PPP3CA: variants seen among roughly 807,000 people sequenced by gnomAD.
PPP3CA encodes the protein protein phosphatase 3 catalytic subunit alpha.
Under a neutral mutation model 66.5 loss-of-function variants are expected in PPP3CA, and 14 were observed. The observed-to-expected ratio is 0.21, with a 90% CI of 0.14 to 0.33. The LOEUF (loss-of-function observed/expected upper bound fraction) is 0.33, where lower values mean the gene tolerates loss of function less well. PPP3CA is among the 10% of genes least tolerant of loss of function. The pLI is 1.00. For synonymous variants in PPP3CA, 232 were observed against 226.2 expected, an observed-to-expected ratio of 1.03 and a Z score of -0.23; for missense variants, 317 against 639.5, an observed-to-expected ratio of 0.50 and a Z score of 5.44.
chr4:101,305,450 A>G (rs1268541344), intron 1 of PPP3CA, among the ~76,000 whole-genome samples: 2 of 152,184 alleles, frequency 1.3e-5, no homozygotes, highest in Non-Finnish European at 2.9e-5. Flanking sequence ...ACACCTTGGG[A>G]AAAATGTGAA....
chr4:101,176,060 C>T (rs1724049008), intron 2 of PPP3CA, among the ~76,000 whole-genome samples: 1 of 152,070 alleles, frequency 6.6e-6, no homozygotes, highest in South Asian at 2.1e-4. Flanking sequence ...ATGGAAGGCA[C>T]AAACATCACG....
chr4:101,145,255 G>A (rs1722933851), intron 2 of PPP3CA, among the ~76,000 whole-genome samples: 1 of 152,114 alleles, frequency 6.6e-6, no homozygotes, highest in Non-Finnish European at 1.5e-5. Flanking sequence ...TAAAAATAGA[G>A]TTACCATATG....
Position 101,196,131 on chromosome 4 carries a change from G to A in PPP3CA, c.59-15C>T, listed in dbSNP as rs769475672. On this transcript the variant is annotated splice_polypyrimidine_tract_variant and intron_variant, in intron 1 of 13. Coordinates refer to ENST00000394854, the MANE Select transcript of PPP3CA (RefSeq NM_000944.5). Reference sequence around the variant, plus strand: ...AAATGGAACAGCTGAAAGAAGAAAGGTCTAATTATTACATTAGCCAAAACT... The same window carrying A: ...AAATGGAACAGCTGAAAGAAGAAAGATCTAATTATTACATTAGCCAAAACT... 2.5e-6 allele frequency: 4 copies of A among 1,611,568 alleles called. No homozygotes were observed. In the South Asian group the frequency reaches 3.3e-5, roughly 13 times the overall value.
At chr4:101,028,325 C>CTT (rs1314661507) in intron 13 of PPP3CA, among the ~76,000 whole-genome samples, 1 of 152,108 alleles carries the variant, frequency 6.6e-6, no homozygotes, top group African/African-American at 2.4e-5. Flanking sequence ...ATGCAGTTCT[C>CTT]TTATAACTAT....
At chr4:101,345,341 G>C (rs1014998862) in intron 1 of PPP3CA, among the ~76,000 whole-genome samples, 1 of 152,192 alleles carries the variant, frequency 6.6e-6, no homozygotes, top group Non-Finnish European at 1.5e-5. Flanking sequence ...ACCCCAGAGG[G>C]ACTTGTGTAT....
intron 1 of PPP3CA, among the ~76,000 whole-genome samples, chr4:101,264,737 T>C (rs981613729): frequency 6.6e-6 from 1 of 152,132 alleles, no homozygotes; most frequent in Non-Finnish European, 1.5e-5. Flanking sequence ...AAATATCTCA[T>C]TTAATCATTC....
At chr4:101,046,397 T>C (rs1356943993) in intron 10 of PPP3CA, among the ~76,000 whole-genome samples, 3 of 152,146 alleles carry the variant, frequency 2.0e-5, no homozygotes, top group African/African-American at 7.2e-5. Context: ...CCTTTCCCAA[T>C]TGATCATTAT....
chr4:101,275,128 C>T (rs568459259), intron 1 of PPP3CA, among the ~76,000 whole-genome samples: 3 of 152,142 alleles, frequency 2.0e-5, no homozygotes, highest in African/African-American at 4.8e-5. Context: ...TCATACTTAA[C>T]GGTATATATT....
rs113223969 is a variant in PPP3CA, at chr4:101,048,037, A to T, written c.1157-7471T>A. Among the ~76,000 whole-genome samples, 987 of 152,202 alleles carry T rather than the reference A, an allele frequency of 6.5e-3. 7 individuals are homozygous for T. The highest frequency in any genetic ancestry group is 0.034 in the Middle Eastern group (10 of 294). On this transcript the variant is annotated intron_variant, in intron 10 of 13. Coordinates refer to ENST00000394854, the MANE Select transcript of PPP3CA (RefSeq NM_000944.5). Reference sequence around the variant, plus strand: ...TTACATTGCTCCCTTGATTAAGGAGACTTCCTAGACACTAAGTTTTCCAAT... The same window carrying T: ...TTACATTGCTCCCTTGATTAAGGAGTCTTCCTAGACACTAAGTTTTCCAAT...
chr4:101,302,097 A>G (rs1348246018), intron 1 of PPP3CA, among the ~76,000 whole-genome samples: 1 of 152,142 alleles, frequency 6.6e-6, no homozygotes, highest in East Asian at 1.9e-4. Context: ...TATTTATTCC[A>G]TTTGATAATA....
intron 1 of PPP3CA, among the ~76,000 whole-genome samples, chr4:101,266,445 G>A (rs1322545633): frequency 6.6e-6 from 1 of 152,096 alleles, no homozygotes; most frequent in Non-Finnish European, 1.5e-5. Flanking sequence ...TATAAGAATG[G>A]TTACTACTAC....
intron 1 of PPP3CA, among the ~76,000 whole-genome samples, chr4:101,324,142 A>AAGGAAGGGAGGG (rs1294647654): frequency 8.7e-6 from 1 of 115,130 alleles, no homozygotes; most frequent in African/African-American, 4.4e-5. Context: ...GAAGGAAGGG[A>AAGGAAGGGAGGG]AGGAAGGGAG....
At chr4:101,106,427 A>G (rs1159563365) in intron 3 of PPP3CA, among the ~76,000 whole-genome samples, 1 of 13,254 alleles carries the variant, frequency 7.5e-5, no homozygotes, top group Admixed American at 1.1e-3. Context: ...GAAAGAAAGA[A>G]AGAAAGAAAG....
intron 10 of PPP3CA, among the ~76,000 whole-genome samples, chr4:101,049,919 C>A (rs566943549): frequency 6.6e-6 from 1 of 152,172 alleles, no homozygotes; most frequent in African/African-American, 2.4e-5. Flanking sequence ...GAGGCACTGG[C>A]ATCTAATGAG....
intron 2 of PPP3CA, among the ~76,000 whole-genome samples, chr4:101,188,786 G>A (rs926255225): frequency 6.6e-6 from 1 of 152,122 alleles, no homozygotes; most frequent in Non-Finnish European, 1.5e-5. Context: ...AAATACAGGA[G>A]AAGAATAGCT....
At chr4:101,315,041 C>T (rs1475196299) in intron 1 of PPP3CA, among the ~76,000 whole-genome samples, 1 of 152,120 alleles carries the variant, frequency 6.6e-6, no homozygotes, top group South Asian at 2.1e-4. Context: ...CCAAAATTCA[C>T]ATGTTGAAAC....
chr4:101,297,051 T>C (rs1728220216), intron 1 of PPP3CA, among the ~76,000 whole-genome samples: 1 of 152,202 alleles, frequency 6.6e-6, no homozygotes. Flanking sequence ...AAAACTCCTA[T>C]CAAAATACCA....
At chr4:101,150,965 T>C (rs1578496955) in intron 2 of PPP3CA, among the ~76,000 whole-genome samples, 1 of 152,180 alleles carries the variant, frequency 6.6e-6, no homozygotes, top group African/African-American at 2.4e-5. Context: ...ATAAATTACA[T>C]GTAATCCACA....
chr4:101,288,803 A>G (rs1194412301), intron 1 of PPP3CA, among the ~76,000 whole-genome samples: 1 of 152,194 alleles, frequency 6.6e-6, no homozygotes. Flanking sequence ...TGCTGTTCTG[A>G]GGATAGAAAT....
Sources: allele counts gnomAD v4.1 joint callset (sites outside exome capture counted in the v4.1 genomes callset), GRCh38; gene constraint gnomAD v4.1.1; transcripts MANE v1.5; gene names NCBI Gene and HGNC (gene_info 2026-07-23, HGNC 2026-07-21).